The following TMEM144 variants were observed in gnomAD, a reference collection of about 807,000 sequenced individuals.
TMEM144 encodes transmembrane protein 144.
A neutral mutation model predicts 43.6 loss-of-function variants in TMEM144; 39 were observed. The ratio of observed to expected loss-of-function variants is 0.90; its 90% CI spans 0.69 to 1.17. TMEM144 has a LOEUF of 1.17. TMEM144 is among the 50% of genes most tolerant of loss of function. The pLI is 0.00. For synonymous variants in TMEM144, 154 were observed against 133.6 expected (o/e 1.15, Z -1.06); for missense variants, 417 against 411.9 (o/e 1.01, Z -0.11).
In TMEM144 at chr4:158,249,738, A is replaced by G. The variant is rs112446918; in HGVS notation, c.955-3706A>G. Reference sequence around the variant, plus strand: ...ATTGCATCAATTTCAAATTCACAAAATATACGTGGAAATCACCTTAGTGTA... The same window carrying G: ...ATTGCATCAATTTCAAATTCACAAAGTATACGTGGAAATCACCTTAGTGTA... On this transcript the variant is annotated intron_variant, in intron 12 of 12. Transcript: ENST00000296529. Among the ~76,000 whole-genome samples, 852 of 152,340 alleles carry G rather than the reference A, an allele frequency of 5.6e-3. 11 individuals carry two copies. The highest frequency in any genetic ancestry group is 0.02 in the African/African-American group (817 of 41,582).
rs5863314 is a variant in TMEM144, at chr4:158,250,195, C to CATATATATATATATAT, written c.955-3229_955-3214dup. Among the ~76,000 whole-genome samples, 200 of 135,454 alleles carry CATATATATATATATAT rather than the reference C, an allele frequency of 1.5e-3. 4 individuals carry two copies. Among genetic ancestry groups the CATATATATATATATAT allele is most frequent in the Non-Finnish European group, 2.3e-3 (143 of 61,824 alleles). 88.9% of individuals were successfully genotyped at this position (135,454 alleles called of 152,430 possible). On this transcript the variant is annotated intron_variant, in intron 12 of 12. Transcript: ENST00000296529. ...TTTGATTTTGTTAATTAATACATAA[C>CATATATATATATATAT]ATATATATATATATATATATATATA... is the stretch of plus-strand genomic sequence containing the variant.
chr4:158,236,626 G>T (rs1023695965), intron 8 of TMEM144, among the ~76,000 whole-genome samples: 1 of 152,058 alleles, frequency 6.6e-6, no homozygotes, highest in Non-Finnish European at 1.5e-5. Flanking sequence ...TAATTTTTAA[G>T]CTTTGGAGGG....
Position 158,219,301 on chromosome 4 carries a change from G to C in TMEM144, c.333-9G>C, listed in dbSNP as rs1161840568. On this transcript the variant is annotated splice_polypyrimidine_tract_variant and intron_variant, in intron 5 of 12. Transcript: ENST00000296529. ...ATATTTAATTTGATGTGACTTTCTG[G>C]ATTTTCAGGTTTGGCTGGTTTGGAT... The C allele has an allele frequency of 1.2e-6, 2 of 1,613,506 alleles. No individual in the cohort carries two copies. The highest frequency in any genetic ancestry group is 1.7e-6 in the Non-Finnish European group (2 of 1,179,736).
chr4:158,248,123 T>TAAAAAAAA (rs753919532), intron 12 of TMEM144, among the ~76,000 whole-genome samples: 1 of 99,632 alleles, frequency 1.0e-5, no homozygotes. Context: ...AGCAAAGAAT[T>TAAAAAAAA]AAAAAAAAAA....
chr4:158,238,518 C>T (rs1164026220), intron 9 of TMEM144, among the ~76,000 whole-genome samples: 4 of 152,086 alleles, frequency 2.6e-5, no homozygotes, highest in Non-Finnish European at 5.9e-5. Context: ...TATACAAATA[C>T]TTTTTTGCAT....
intron 8 of TMEM144, among the ~76,000 whole-genome samples, chr4:158,236,812 T>C (rs539405846): frequency 2.5e-4 from 38 of 152,222 alleles, no homozygotes; most frequent in Non-Finnish European, 5.1e-4. Flanking sequence ...GTCATTGTCC[T>C]TTGTGTTAAC....
Position 158,217,332 on chromosome 4 carries a change from G to A in TMEM144, c.244G>A (p.Val82Ile). The A allele has an allele frequency of 6.2e-7, 1 of 1,610,634 alleles. No individual in the cohort carries two copies. The highest frequency in any genetic ancestry group is 8.5e-7 in the Non-Finnish European group (1 of 1,177,284). Reference protein sequence around the residue: ...GCIWATGNIAVVPIIKTIGLG... With the variant: ...GCIWATGNIAIVPIIKTIGLG... Reference sequence around the variant, plus strand: ...TATTACATCTACAGGGAACATTGCTGTTGTCCCAATTATCAAAACCATTGG... The same window carrying A: ...TATTACATCTACAGGGAACATTGCTATTGTCCCAATTATCAAAACCATTGG... The change falls in exon 5 of 13, where the codon GTT becomes ATT. Residue 82 changes from valine to isoleucine, a missense_variant. Coordinates refer to ENST00000296529, the MANE Select transcript of TMEM144 (RefSeq NM_018342.5).
intron 2 of TMEM144, among the ~76,000 whole-genome samples, 156 bp from the exon 3 acceptor site, chr4:158,212,452 T>A (rs981543696): frequency 4.6e-5 from 7 of 152,210 alleles, no homozygotes; most frequent in Admixed American, 2.0e-4. Context: ...TAGAATAAAT[T>A]AACATGAAGT....
rs772901821 is a variant in TMEM144, at chr4:158,241,611, G to A, written c.900+5G>A. The A allele has an allele frequency of 4.3e-6, 7 of 1,611,978 alleles. No individual in the cohort carries two copies. In the South Asian group the frequency reaches 5.5e-5, roughly 13 times the overall value. ...AGTTTTCCAATAATCACTGCTGTAA[G>A]TAGCTGAACTGGTTTTCCTAATTTT... On this transcript the variant is annotated splice_donor_5th_base_variant and intron_variant, in intron 11 of 12. Coordinates refer to ENST00000296529, the MANE Select transcript of TMEM144 (RefSeq NM_018342.5).
At chr4:158,235,572 C>A in intron 8 of TMEM144, 67 bp downstream of exon 8, 3 of 1,462,146 alleles carry the variant, frequency 2.1e-6, no homozygotes, top group East Asian at 2.3e-5. Flanking sequence ...GGATTACCAG[C>A]ATGAAGTAAT....
At chr4:158,226,884 T>C (rs1734798032) in intron 6 of TMEM144, among the ~76,000 whole-genome samples, 2 of 152,078 alleles carry the variant, frequency 1.3e-5, no homozygotes, top group Admixed American at 6.5e-5. Flanking sequence ...CCGCCCCCCC[T>C]TTTTTTCTTT....
At chr4:158,230,967 T>C (rs1735050071) in intron 6 of TMEM144, among the ~76,000 whole-genome samples, 1 of 152,206 alleles carries the variant, frequency 6.6e-6, no homozygotes, top group Admixed American at 6.5e-5. Flanking sequence ...TTGACAGCCA[T>C]GTAGAAATGT....
chr4:158,237,549 TG>T lies in TMEM144; in HGVS notation c.590del (p.Gly197GlufsTer33). 1.9e-6 allele frequency: 3 copies of T among 1,613,740 alleles called. No homozygotes were observed. Among genetic ancestry groups the T allele is most frequent in the Non-Finnish European group, 2.5e-6 (3 of 1,179,742 alleles). On this transcript the variant is annotated frameshift_variant, in exon 9 of 13. Coordinates refer to ENST00000296529, the MANE Select transcript of TMEM144 (RefSeq NM_018342.5). LOFTEE classifies it high-confidence loss of function. ...GGGGCTGCAGTCTTGCAGTGATATCTGGAGTACTCTATGGATCTACATTTGT... is the reference window on the plus strand; with the variant it reads ...GGGGCTGCAGTCTTGCAGTGATATCTGAGTACTCTATGGATCTACATTTGT... ...IVGCSLAVISGVLYGSTFVPI... is the reference protein window; with the variant it reads ...IVGCSLAVISXVLYGSTFVPI...
chr4:158,241,044 G>A (rs1043150859), intron 10 of TMEM144, among the ~76,000 whole-genome samples: 3 of 151,996 alleles, frequency 2.0e-5, no homozygotes, highest in Non-Finnish European at 2.9e-5. Context: ...GAATGCCACC[G>A]TGTAGAAAAT....
At chr4:158,212,987 G>C in intron 3 of TMEM144, 1 of 592,468 alleles carries the variant, frequency 1.7e-6, no homozygotes, top group Non-Finnish European at 3.0e-6. Context: ...GGTAAAGTTA[G>C]GGAGGGTACA....
chr4:158,234,097 T>C (rs937490374), intron 7 of TMEM144: 2 of 152,256 alleles, frequency 1.3e-5, no homozygotes, highest in Non-Finnish European at 2.9e-5. Context: ...GCATGATTGA[T>C]GGGTACAGAA....
intron 6 of TMEM144, among the ~76,000 whole-genome samples, chr4:158,223,228 G>A (rs1289901796): frequency 6.6e-6 from 1 of 152,076 alleles, no homozygotes. Flanking sequence ...TTACTAACAT[G>A]TTTTCAGATT....
Position 158,232,957 on chromosome 4 carries a change from A to G in TMEM144, c.470A>G (p.Asp157Gly), listed in dbSNP as rs34277853. 1.4e-3 allele frequency: 2,196 copies of G among 1,611,036 alleles called. 22 individuals are homozygous for G. In the African/African-American group the frequency reaches 0.024, roughly 18 times the overall value. ...ATACCAAATAACACGTGTTCCATGG[A>G]TACCACTCCATTAATAACAGAGCAT... ...SEIPNNTCSM[D>G]TTPLITEHVI... The change falls in exon 7 of 13, where the codon GAT becomes GGT. Residue 157 changes from aspartate to glycine, a missense_variant. By Grantham distance (94) the Asp-to-Gly change is moderately conservative. Transcript: ENST00000296529.
chr4:158,253,738 A>G lies in TMEM144; in HGVS notation c.*211A>G, dbSNP rs1736335609. 5 of 540,822 alleles carry G rather than the reference A, an allele frequency of 9.2e-6. No homozygotes were observed. The East Asian group carries it at 1.3e-4, about 14-fold the overall frequency. 33.5% of individuals were successfully genotyped at this position (540,822 alleles called of 1,614,324 possible). A position where few individuals can be genotyped will look rare whatever the true frequency, so the allele number is the denominator to read the frequency against. Reference sequence around the variant, plus strand: ...TAAAAATGAAAATTTCTTCTGATGAACTGTTTATGAAGGTAGTACTTTACT... The same window carrying G: ...TAAAAATGAAAATTTCTTCTGATGAGCTGTTTATGAAGGTAGTACTTTACT... On this transcript the variant is annotated 3_prime_UTR_variant, in exon 13 of 13. Transcript: ENST00000296529.
Sources: allele counts gnomAD v4.1 joint callset (sites outside exome capture counted in the v4.1 genomes callset), GRCh38; gene constraint gnomAD v4.1.1; transcripts MANE v1.5; gene names NCBI Gene and HGNC (gene_info 2026-07-23, HGNC 2026-07-21).